Variants in DENND4C observed in about 807,000 individuals in gnomAD.
The protein encoded by DENND4C is DENN domain-containing protein 4C.
DENND4C carries 108 observed loss-of-function variants against 203.0 expected under a neutral mutation model. The ratio of observed to expected loss-of-function variants is 0.53; its 90% CI spans 0.46 to 0.62. The LOEUF is 0.62. Among genes scored for constraint, DENND4C ranks in the 20% least tolerant of loss-of-function variants. The pLI is 0.00. For synonymous variants in DENND4C, 871 were observed against 792.4 expected, an observed-to-expected ratio of 1.10 and a Z score of -1.67; for missense variants, 2,481 against 2,301.2, an observed-to-expected ratio of 1.08 and a Z score of -1.60.
chr9:19,306,849 T>C (rs1839780986), intron 10 of DENND4C, among the ~76,000 whole-genome samples: 1 of 151,844 alleles, frequency 6.6e-6, no homozygotes, highest in Non-Finnish European at 1.5e-5. Context: ...GGTGCAATCC[T>C]GACTCTCTGC....
chr9:19,234,432 G>A (rs1019284435), intron 1 of DENND4C, among the ~76,000 whole-genome samples: 3 of 150,640 alleles, frequency 2.0e-5, no homozygotes, highest in African/African-American at 7.3e-5. Flanking sequence ...GGGTTTCACC[G>A]TGTTAGCCAG....
intron 30 of DENND4C, among the ~76,000 whole-genome samples, chr9:19,366,231 G>T (rs1827636939): frequency 6.6e-6 from 1 of 152,208 alleles, no homozygotes; most frequent in Non-Finnish European, 1.5e-5. Context: ...TAGGTTGATG[G>T]AATATAGCTG....
In DENND4C at chr9:19,346,864, T is replaced by C. The variant is rs142677311; in HGVS notation, c.4095T>C (p.Ser1365=). 4 of 1,614,120 alleles carry C rather than the reference T, an allele frequency of 2.5e-6. No individual in the cohort carries two copies. The African/African-American group carries it at 5.3e-5, about 22-fold the overall frequency. ...FTGRFKQQTP[S]RTHKERSTSL... ...GGCGTTTCAAGCAGCAAACCCCCTC[T>C]CGAACTCATAAAGAACGTTCAACTT... The change falls in exon 23 of 33, where the codon TCT becomes TCC. Residue 1365 remains serine (S), a synonymous_variant. Transcript: ENST00000434457.
intron 30 of DENND4C, among the ~76,000 whole-genome samples, chr9:19,363,878 G>A (rs1405136296): frequency 6.6e-6 from 1 of 152,174 alleles, no homozygotes; most frequent in East Asian, 1.9e-4. Context: ...GCCAGGCTTG[G>A]TGATGCACGC....
At chr9:19,300,410 CA>C in intron 9 of DENND4C, 79 bp downstream of exon 9, 1 of 1,301,454 alleles carries the variant, frequency 7.7e-7, no homozygotes, top group South Asian at 2.3e-5. Flanking sequence ...TCAAAAACAG[CA>C]ACTTTGTAAA....
chr9:19,282,058 A>G (rs1834155967), intron 2 of DENND4C, among the ~76,000 whole-genome samples: 1 of 152,216 alleles, frequency 6.6e-6, no homozygotes. Context: ...TATAGACTTT[A>G]GTAAATTAAC....
At chr9:19,334,297 T>A (rs747600208) in intron 17 of DENND4C, among the ~76,000 whole-genome samples, 1 of 151,672 alleles carries the variant, frequency 6.6e-6, no homozygotes, top group Non-Finnish European at 1.5e-5. Flanking sequence ...GTGATCTGCC[T>A]GCCTGGGCCT....
chr9:19,304,226 C>G (rs527788361), intron 9 of DENND4C, among the ~76,000 whole-genome samples: 2 of 147,478 alleles, frequency 1.4e-5, no homozygotes, highest in African/African-American at 5.0e-5. Context: ...GCTCTGTTGC[C>G]CAGGCTGGAG....
chr9:19,335,131 A>G lies in DENND4C; in HGVS notation c.2589+26A>G, dbSNP rs201635828. On this transcript the variant is annotated intron_variant, in intron 18 of 32. Transcript: ENST00000434457. ...GTAAGTAGGATCGACATTAGGCAAG[A>G]TGTGGTGTTTATTAAGAATGATTAT... is the stretch of plus-strand genomic sequence containing the variant. 2,383 of 1,473,368 alleles carry G rather than the reference A, an allele frequency of 1.6e-3. 7 individuals are homozygous for G. Among genetic ancestry groups the G allele is most frequent in the South Asian group, 1.9e-3 (124 of 65,042 alleles). The allele number at this position is 1,473,368 out of a possible 1,614,324, so 91.3% of individuals were successfully genotyped here. A position where few individuals can be genotyped will look rare whatever the true frequency, so the allele number is the denominator to read the frequency against.
intron 1 of DENND4C, among the ~76,000 whole-genome samples, chr9:19,254,073 G>A (rs35180848): frequency 0.076 from 11,513 of 151,746 alleles, 493 homozygotes; most frequent in Middle Eastern, 0.13. Flanking sequence ...TTCTTCAAAA[G>A]CTTTTGTTAA....
chr9:19,307,004 G>C (rs1379971450), intron 10 of DENND4C, among the ~76,000 whole-genome samples: 1 of 151,936 alleles, frequency 6.6e-6, no homozygotes, highest in Non-Finnish European at 1.5e-5. Context: ...GGCTGGTCTT[G>C]AACTGCTGAC....
chr9:19,286,630 A>G, intron 2 of DENND4C, 139 bp from the exon 3 acceptor site: 3 of 690,482 alleles, frequency 4.3e-6, no homozygotes, highest in South Asian at 7.9e-5. Flanking sequence ...TTGGGAAACA[A>G]TAGGAGAGAC....
chr9:19,314,336 C>A (rs1401778336), intron 10 of DENND4C, among the ~76,000 whole-genome samples: 1 of 150,732 alleles, frequency 6.6e-6, no homozygotes, highest in Non-Finnish European at 1.5e-5. Context: ...CGCCTGTAGT[C>A]CCAGCTACTC....
chr9:19,256,426 C>CT (rs1827980282), intron 1 of DENND4C, among the ~76,000 whole-genome samples: 1 of 148,798 alleles, frequency 6.7e-6, no homozygotes, highest in Non-Finnish European at 1.5e-5. Context: ...AAGCGATTCT[C>CT]CTGTCGCAGC....
chr9:19,360,526 G>A, intron 29 of DENND4C, 37 bp downstream of exon 29: 2 of 1,612,298 alleles, frequency 1.2e-6, no homozygotes, highest in Non-Finnish European at 1.7e-6. Context: ...TTAGTATTCA[G>A]TAGGATGAGG....
At chr9:19,328,689 A>ATCTATCTATCTG (rs1234169071) in intron 16 of DENND4C, among the ~76,000 whole-genome samples, 1 of 150,794 alleles carries the variant, frequency 6.6e-6, no homozygotes, top group Non-Finnish European at 1.5e-5. Context: ...CTATCTATCT[A>ATCTATCTATCTG]TCTATCTGTC....
chr9:19,370,454 C>CAAAAA (rs202144404), intron 31 of DENND4C, among the ~76,000 whole-genome samples: 1 of 128,690 alleles, frequency 7.8e-6, no homozygotes, highest in African/African-American at 2.9e-5. Context: ...AACCCTGTCT[C>CAAAAA]AAAAAAAAAA....
intron 1 of DENND4C, among the ~76,000 whole-genome samples, chr9:19,258,304 C>T (rs1474423923): frequency 6.6e-6 from 1 of 152,210 alleles, no homozygotes; most frequent in Non-Finnish European, 1.5e-5. Context: ...CATTTCTCTA[C>T]AACCTTTTCC....
At chr9:19,284,553 GTGCCATTTTATATTC>G (rs1251287912) in intron 2 of DENND4C, among the ~76,000 whole-genome samples, 1 of 152,026 alleles carries the variant, frequency 6.6e-6, no homozygotes, top group Non-Finnish European at 1.5e-5. Context: ...TATAGTGTTT[GTGCCATTTTATATTC>G]TGCCATATAT....
Sources: gnomAD v4.1 joint callset for allele counts (sites outside exome capture counted in the v4.1 genomes callset) on GRCh38, gnomAD v4.1.1 for gene constraint, MANE v1.5 for transcripts, NCBI Gene and HGNC (gene_info 2026-07-23, HGNC 2026-07-21) for gene names.